Variants in SCFD1 observed in about 807,000 individuals in gnomAD.
The protein encoded by SCFD1 is sec1 family domain containing 1, also known as sec1 family domain-containing protein 1.
Under a neutral mutation model 103.2 loss-of-function variants are expected in SCFD1, and 37 were observed. The observed-to-expected ratio is 0.36, with a 90% CI of 0.28 to 0.47. SCFD1 has a LOEUF of 0.47. SCFD1 is among the 20% of genes least tolerant of loss of function. The pLI is 1.00. For synonymous variants in SCFD1, 264 were observed against 245.0 expected (o/e 1.08, Z -0.73); for missense variants, 639 against 761.2 (o/e 0.84, Z 1.89).
intron 19 of SCFD1, among the ~76,000 whole-genome samples, chr14:30,714,191 CA>C (rs11439842): frequency 6.1e-4 from 87 of 143,182 alleles, no homozygotes; most frequent in Non-Finnish European, 6.6e-4. Flanking sequence ...ACTAAAAATA[CA>C]AAAAAAAAAA....
intron 14 of SCFD1, among the ~76,000 whole-genome samples, chr14:30,682,399 A>AATACAATTTT (rs1319760750): frequency 1.3e-5 from 2 of 152,196 alleles, no homozygotes; most frequent in African/African-American, 4.8e-5. Flanking sequence ...AACACCTTTA[A>AATACAATTTT]ATACAATTTT....
At chr14:30,715,613 C>T (rs1354080979) in intron 19 of SCFD1, 2 of 182,532 alleles carry the variant, frequency 1.1e-5, no homozygotes, top group Non-Finnish European at 2.2e-5. Context: ...AAAACAAAAG[C>T]TTGCAGTTAC....
chr14:30,676,517 G>T (rs1354735372), intron 14 of SCFD1: 1 of 152,182 alleles, frequency 6.6e-6, no homozygotes. Context: ...CTTTGATGAG[G>T]TGATGTTTGA....
chr14:30,708,203 A>C, intron 19 of SCFD1, 138 bp downstream of exon 19: 1 of 609,552 alleles, frequency 1.6e-6, no homozygotes, highest in Admixed American at 2.6e-5. Flanking sequence ...CTTTTTTTTT[A>C]AGTTCTGGGG....
chr14:30,665,461 A>C (rs1260319825), intron 10 of SCFD1, among the ~76,000 whole-genome samples: 1 of 152,344 alleles, frequency 6.6e-6, no homozygotes, highest in Admixed American at 6.5e-5. Flanking sequence ...AAGACCATAG[A>C]TGCTAGGAAG....
Position 30,634,308 on chromosome 14 carries a change from A to G in SCFD1, c.312+271A>G, listed in dbSNP as rs1029572496. Reference sequence around the variant, plus strand: ...AACCAGGTACTGAATATATTACAGTATTTTGAGAGACCACATTCATATAAC... The same window carrying G: ...AACCAGGTACTGAATATATTACAGTGTTTTGAGAGACCACATTCATATAAC... On this transcript the variant is annotated intron_variant, in intron 4 of 24. Coordinates refer to ENST00000458591, the MANE Select transcript of SCFD1 (RefSeq NM_016106.4). Among the ~76,000 whole-genome samples the G allele has an allele frequency of 3.9e-5, 6 of 152,172 alleles. No individual in the cohort carries two copies. The South Asian group carries it at 6.2e-4, about 16-fold the overall frequency.
chr14:30,711,076 TTGTG>T (rs1379720122), intron 19 of SCFD1, among the ~76,000 whole-genome samples: 7 of 152,206 alleles, frequency 4.6e-5, no homozygotes, highest in Non-Finnish European at 8.8e-5. Context: ...TGGAATCTAT[TTGTG>T]TGAGGATAAT....
chr14:30,699,615 A>G (rs776694263), intron 15 of SCFD1, among the ~76,000 whole-genome samples: 1 of 152,158 alleles, frequency 6.6e-6, no homozygotes, highest in Non-Finnish European at 1.5e-5. Context: ...TTTAATAAAA[A>G]TATATTGTTT....
At chr14:30,677,302 T>C (rs1413421264) in intron 14 of SCFD1, among the ~76,000 whole-genome samples, 2 of 152,120 alleles carry the variant, frequency 1.3e-5, no homozygotes, top group African/African-American at 4.8e-5. Context: ...CTAAGACTAT[T>C]GGTGCATTCC....
rs957519873 is a variant in SCFD1, at chr14:30,694,791, T to C, written c.1261T>C (p.Tyr421His). The C allele has an allele frequency of 1.9e-6, 3 of 1,582,242 alleles. No individual in the cohort carries two copies. The highest frequency in any genetic ancestry group is 2.8e-5 in the African/African-American group (2 of 72,630). The change falls in exon 15 of 25, where the codon TAT becomes CAT. Residue 421 changes from tyrosine to histidine, a missense_variant. Transcript: ENST00000458591. Reference sequence around the variant, plus strand: ...GAAACAGGCAAGAAAATTGGATGTATATTTTGAATATGAAGAAAAAATAAT... The same window carrying C: ...GAAACAGGCAAGAAAATTGGATGTACATTTTGAATATGAAGAAAAAATAAT... ...EHIKARKLDVYFEYEEKIMSK... is the reference protein window; with the variant it reads ...EHIKARKLDVHFEYEEKIMSK...
At chr14:30,633,876 C>G in intron 3 of SCFD1, 71 bp from the exon 4 acceptor site, 1 of 814,400 alleles carries the variant, frequency 1.2e-6, no homozygotes, top group Non-Finnish European at 1.9e-6. Flanking sequence ...AGCTAGTGAA[C>G]TCCCATTTTG....
intron 18 of SCFD1, chr14:30,707,680 C>T (rs1410833001): frequency 6.4e-5 from 22 of 342,214 alleles, no homozygotes; most frequent in Non-Finnish European, 1.1e-4. Context: ...AATTATAACT[C>T]GCAAAAAAAA....
intron 23 of SCFD1, among the ~76,000 whole-genome samples, chr14:30,733,924 A>T (rs747040973): frequency 1.3e-5 from 2 of 152,150 alleles, no homozygotes; most frequent in Non-Finnish European, 2.9e-5. Context: ...TTCTCCTTGC[A>T]TACTGTGACC....
At chr14:30,634,093 A>G in intron 4 of SCFD1, 56 bp downstream of exon 4, 1 of 1,047,462 alleles carries the variant, frequency 9.5e-7, no homozygotes, top group Non-Finnish European at 1.4e-6. Context: ...TTTTTTTTTC[A>G]AGAAAAATTC....
intron 10 of SCFD1, among the ~76,000 whole-genome samples, chr14:30,667,643 A>G (rs1287912509): frequency 2.0e-5 from 3 of 152,206 alleles, no homozygotes; most frequent in Non-Finnish European, 4.4e-5. Context: ...ACATGATTGT[A>G]TATTTAGAAA....
chr14:30,721,060 C>T (rs1254891270), intron 21 of SCFD1, among the ~76,000 whole-genome samples: 2 of 152,060 alleles, frequency 1.3e-5, no homozygotes, highest in Non-Finnish European at 2.9e-5. Context: ...AGTCTTACCT[C>T]TCCTCATCCA....
At chr14:30,654,645 G>C (rs1210693728) in intron 10 of SCFD1, among the ~76,000 whole-genome samples, 3 of 150,070 alleles carry the variant, frequency 2.0e-5, no homozygotes, top group African/African-American at 7.4e-5. Flanking sequence ...CTGCACTCCA[G>C]CCTGGGTGAC....
In SCFD1 at chr14:30,674,981, C is replaced by A; in HGVS notation, c.1161-3C>A. 1 of 1,544,484 alleles carries A rather than the reference C, an allele frequency of 6.5e-7. No individual in the cohort carries two copies. The highest frequency in any genetic ancestry group is 8.8e-7 in the Non-Finnish European group (1 of 1,140,290). On this transcript the variant is annotated splice_region_variant and splice_polypyrimidine_tract_variant and intron_variant, in intron 13 of 24. Transcript: ENST00000458591. ...TTAATATTTAATTTTTTGATACTTGCAGTTCTTTGCCAGAACTCCTTGAGA... is the reference window on the plus strand; with the variant it reads ...TTAATATTTAATTTTTTGATACTTGAAGTTCTTTGCCAGAACTCCTTGAGA...
chr14:30,658,904 C>T (rs1887168644), intron 10 of SCFD1, among the ~76,000 whole-genome samples: 1 of 152,140 alleles, frequency 6.6e-6, no homozygotes, highest in Non-Finnish European at 1.5e-5. Flanking sequence ...CAAGCATTTG[C>T]CTAAAAGTCA....
Sources: allele counts gnomAD v4.1 joint callset (sites outside exome capture counted in the v4.1 genomes callset), GRCh38; gene constraint gnomAD v4.1.1; transcripts MANE v1.5; gene names NCBI Gene and HGNC (gene_info 2026-07-23, HGNC 2026-07-21).